Variants in GLG1 observed in about 807,000 individuals in gnomAD.
GLG1 encodes the protein Golgi apparatus protein 1.
A neutral mutation model predicts 160.5 loss-of-function variants in GLG1; 38 were observed. The ratio of observed to expected loss-of-function variants is 0.24; its 90% CI spans 0.18 to 0.31. The LOEUF is 0.31. Among genes scored for constraint, GLG1 ranks in the 10% least tolerant of loss-of-function variants. The pLI, the probability that GLG1 is intolerant of heterozygous loss-of-function variation, is 1.00. For missense variants in GLG1, 1,373 were observed against 1,505.2 expected, an observed-to-expected ratio of 0.91 and a Z score of 1.45; for synonymous variants, 644 against 543.4, an observed-to-expected ratio of 1.19 and a Z score of -2.57.
chr16:74,571,422 C>A (rs2018823453), intron 1 of GLG1, among the ~76,000 whole-genome samples: 1 of 152,106 alleles, frequency 6.6e-6, no homozygotes, highest in Admixed American at 6.6e-5. Context: ...CGCAAGTAAT[C>A]CATGTTTTGG....
intron 13 of GLG1, among the ~76,000 whole-genome samples, chr16:74,473,480 C>T (rs1225578859): frequency 8.1e-6 from 1 of 123,010 alleles, no homozygotes; most frequent in Non-Finnish European, 1.6e-5. Flanking sequence ...CGCTCTGTTG[C>T]TCGGGCTGGA....
chr16:74,447,617 T>C lies in GLG1; in HGVS notation c.*5550A>G, dbSNP rs977864954. The C allele has an allele frequency of 6.6e-6, 1 of 152,262 alleles. No homozygotes were observed. Among genetic ancestry groups the C allele is most frequent in the Non-Finnish European group, 1.5e-5 (1 of 68,052 alleles). The allele number at this position is 152,262 out of a possible 1,614,324, so 9.4% of individuals were successfully genotyped here. A position where few individuals can be genotyped will look rare whatever the true frequency, so the allele number is the denominator to read the frequency against. On this transcript the variant is annotated 3_prime_UTR_variant, in exon 26 of 26. Coordinates refer to ENST00000422840, the MANE Select transcript of GLG1 (RefSeq NM_001145667.2). ...CCCATTTACAAAAGAGGCTTGTTAA[T>C]TGTATTTTTTTCTTTCTTTCAAAAA...
At chr16:74,527,192 T>C (rs1165520814) in intron 2 of GLG1, among the ~76,000 whole-genome samples, 1 of 151,850 alleles carries the variant, frequency 6.6e-6, no homozygotes. Context: ...TATATTTTAT[T>C]CTACATGTTA....
chr16:74,554,397 G>A (rs529218668), intron 1 of GLG1, among the ~76,000 whole-genome samples: 2 of 152,342 alleles, frequency 1.3e-5, no homozygotes, highest in South Asian at 4.1e-4. Flanking sequence ...AGCTAGGCGC[G>A]GTGGTGGGCG....
At chr16:74,519,203 G>T (rs1201695562) in intron 2 of GLG1, among the ~76,000 whole-genome samples, 1 of 152,062 alleles carries the variant, frequency 6.6e-6, no homozygotes, top group Admixed American at 6.6e-5. Flanking sequence ...GATGAAGCTG[G>T]AAACCATCAT....
At position 74,590,726 on chromosome 16, in the gene GLG1, G is replaced by A. The variant is rs557472689; in HGVS notation, c.438+15931C>T. 5.3e-5 allele frequency among the ~76,000 whole-genome samples: 8 copies of A among 149,858 alleles called. No individual in the cohort carries two copies. In the East Asian group the frequency reaches 9.9e-4, roughly 18 times the overall value. On this transcript the variant is annotated intron_variant, in intron 1 of 25. Transcript: ENST00000422840. ...GCAGGAGAATCACTTGAACCTGGGA[G>A]GCAGAGGCTGCAGTGAGCCGTGATC...
intron 1 of GLG1, among the ~76,000 whole-genome samples, chr16:74,546,935 T>G (rs1301543413): frequency 1.3e-5 from 2 of 151,100 alleles, no homozygotes; most frequent in African/African-American, 4.9e-5. Context: ...GAGAGAAGCC[T>G]TCCTTCCCCA....
chr16:74,473,673 C>T (rs942763706), intron 13 of GLG1, among the ~76,000 whole-genome samples: 6 of 151,998 alleles, frequency 3.9e-5, no homozygotes, highest in African/African-American at 1.4e-4. Flanking sequence ...ATCTCCTGAC[C>T]TTGTGATCCG....
At chr16:74,540,248 T>A (rs1462979723) in intron 1 of GLG1, among the ~76,000 whole-genome samples, 3 of 142,816 alleles carry the variant, frequency 2.1e-5, no homozygotes, top group Non-Finnish European at 4.5e-5. Flanking sequence ...AATCCATGAA[T>A]ATAAAAATAC....
chr16:74,487,540 T>A (rs1255973296), intron 8 of GLG1, among the ~76,000 whole-genome samples: 1 of 152,168 alleles, frequency 6.6e-6, no homozygotes, highest in Non-Finnish European at 1.5e-5. Context: ...ATACCAAAAA[T>A]TATTGGTGGC....
chr16:74,589,256 CAAAA>C (rs11311925), intron 1 of GLG1, among the ~76,000 whole-genome samples: 1 of 140,568 alleles, frequency 7.1e-6, no homozygotes. Flanking sequence ...CTCTCTGTCT[CAAAA>C]AAAAAAAAAG....
At chr16:74,555,887 T>C (rs2018338515) in intron 1 of GLG1, among the ~76,000 whole-genome samples, 1 of 150,458 alleles carries the variant, frequency 6.6e-6, no homozygotes, top group East Asian at 2.0e-4. Context: ...TCACCCAGGG[T>C]GAAGTGTAGT....
At chr16:74,546,284 CAA>C (rs1371476020) in intron 1 of GLG1, among the ~76,000 whole-genome samples, 2 of 152,020 alleles carry the variant, frequency 1.3e-5, no homozygotes, top group Admixed American at 6.6e-5. Context: ...ACAAAAAATA[CAA>C]AAGTTAGCCA....
At chr16:74,562,548 C>A (rs1164664918) in intron 1 of GLG1, among the ~76,000 whole-genome samples, 2 of 152,158 alleles carry the variant, frequency 1.3e-5, no homozygotes, top group Non-Finnish European at 2.9e-5. Flanking sequence ...CAACCTCCAC[C>A]TCCCGGGTTC....
intron 4 of GLG1, among the ~76,000 whole-genome samples, chr16:74,502,328 G>A (rs2016434955): frequency 6.6e-6 from 1 of 152,044 alleles, no homozygotes; most frequent in Non-Finnish European, 1.5e-5. Context: ...AGCAGACTAA[G>A]TCAAAAAATA....
At chr16:74,542,350 C>T (rs2017893549) in intron 1 of GLG1, among the ~76,000 whole-genome samples, 1 of 151,716 alleles carries the variant, frequency 6.6e-6, no homozygotes, top group Admixed American at 6.6e-5. Flanking sequence ...AAATCAGTAG[C>T]TACTATAGCC....
At chr16:74,577,523 A>C (rs1438886966) in intron 1 of GLG1, among the ~76,000 whole-genome samples, 1 of 13,424 alleles carries the variant, frequency 7.4e-5, no homozygotes, top group African/African-American at 8.0e-4. Context: ...ACTCCATCTC[A>C]AAAAAAAAAA....
At chr16:74,477,350 T>G (rs1470821155) in intron 12 of GLG1, 46 bp downstream of exon 12, 1 of 1,446,716 alleles carries the variant, frequency 6.9e-7, no homozygotes, top group Admixed American at 1.7e-5. Flanking sequence ...TGTTAAACAT[T>G]AACATCATCA....
chr16:74,581,534 T>A lies in GLG1; in HGVS notation c.438+25123A>T, dbSNP rs1371135401. 3.5e-3 allele frequency among the ~76,000 whole-genome samples: 456 copies of A among 132,018 alleles called. 3 individuals are homozygous for A. The highest frequency in any genetic ancestry group is 0.019 in the Middle Eastern group (5 of 258). The allele number at this position is 132,018 out of a possible 152,430, so 86.6% of individuals were successfully genotyped here. A position where few individuals can be genotyped will look rare whatever the true frequency, so the allele number is the denominator to read the frequency against. ...GATTATGGAGATTCAATGTAAGATT[T>A]AAAAAAAAAAAAAAAAAAGGCCAGG... is the stretch of plus-strand genomic sequence containing the variant. On this transcript the variant is annotated intron_variant, in intron 1 of 25. Coordinates refer to ENST00000422840, the MANE Select transcript of GLG1 (RefSeq NM_001145667.2).
Sources: gnomAD v4.1 joint callset for allele counts (sites outside exome capture counted in the v4.1 genomes callset) on GRCh38, gnomAD v4.1.1 for gene constraint, MANE v1.5 for transcripts, NCBI Gene and HGNC (gene_info 2026-07-23, HGNC 2026-07-21) for gene names.